The following AIG1 variants were observed in gnomAD, a reference collection of about 807,000 sequenced individuals.
The protein encoded by AIG1 is androgen induced 1, also known as androgen-induced gene 1 protein.
A neutral mutation model predicts 31.4 loss-of-function variants in AIG1; 23 were observed. That is an observed-to-expected ratio of 0.73 (90% CI 0.53 to 1.04). The LOEUF is 1.04. AIG1 is among the 50% of genes least tolerant of loss of function. The pLI is 0.00. For missense variants in AIG1, 274 were observed against 295.0 expected (o/e 0.93, Z 0.52); for synonymous variants, 100 against 110.5 (o/e 0.90, Z 0.60).
intron 3 of AIG1, among the ~76,000 whole-genome samples, chr6:143,169,462 C>T (rs1164726725): frequency 1.3e-5 from 2 of 152,070 alleles, no homozygotes; most frequent in Non-Finnish European, 2.9e-5. Context: ...ATTCAAAATC[C>T]TCTCTTCTAG....
At chr6:143,272,222 G>A (rs1417739850) in intron 3 of AIG1, among the ~76,000 whole-genome samples, 1 of 152,184 alleles carries the variant, frequency 6.6e-6, no homozygotes, top group Non-Finnish European at 1.5e-5. Flanking sequence ...GCCCGAGACA[G>A]AGCTGACCTT....
rs561773970 is a variant in AIG1, at chr6:143,197,659, C to G, written c.399+32476C>G. Among the ~76,000 whole-genome samples, 184 of 152,312 alleles carry G rather than the reference C, an allele frequency of 1.2e-3. 1 individual carries two copies. Among genetic ancestry groups the G allele is most frequent in the African/African-American group, 4.4e-3 (183 of 41,570 alleles). ...TTGCAGATCTGTCCCATAAACACCT[C>G]CCACAGATCCTCTAGTCCCTTATTT... is the stretch of plus-strand genomic sequence containing the variant. On this transcript the variant is annotated intron_variant, in intron 3 of 5. Transcript: ENST00000357847.
rs147844600 is a variant in AIG1 at position 143,165,784 on chromosome 6, C to T, written c.399+601C>T. Among the ~76,000 whole-genome samples the T allele has an allele frequency of 9.9e-3, 1,514 of 152,294 alleles. 21 individuals carry two copies. The highest frequency in any genetic ancestry group is 0.035 in the African/African-American group (1,447 of 41,548). Reference sequence around the variant, plus strand: ...CTTCTCAGTCTAATTCTTTCTGGTGCTTTAGCCATGATGTTGCCCTCACTA... The same window carrying T: ...CTTCTCAGTCTAATTCTTTCTGGTGTTTTAGCCATGATGTTGCCCTCACTA... On this transcript the variant is annotated intron_variant, in intron 3 of 5. Transcript: ENST00000357847.
chr6:143,177,239 A>G (rs1255908758), intron 3 of AIG1, among the ~76,000 whole-genome samples: 3 of 152,126 alleles, frequency 2.0e-5, no homozygotes, highest in Admixed American at 6.5e-5. Context: ...GTTCTCTCGT[A>G]TCTTCCCAGG....
chr6:143,203,593 T>G (rs1280767857), intron 3 of AIG1, among the ~76,000 whole-genome samples: 12 of 152,186 alleles, frequency 7.9e-5, no homozygotes, highest in African/African-American at 2.9e-4. Flanking sequence ...GAGATTAGGC[T>G]TCTCTATGTA....
intron 1 of AIG1, among the ~76,000 whole-genome samples, chr6:143,112,099 A>G (rs996608931): frequency 3.3e-5 from 5 of 152,178 alleles, no homozygotes; most frequent in African/African-American, 1.2e-4. Context: ...TGGCTTTACA[A>G]ACCTAGCCAT....
intron 1 of AIG1, among the ~76,000 whole-genome samples, chr6:143,113,336 G>A (rs1459541046): frequency 6.6e-6 from 1 of 152,052 alleles, no homozygotes; most frequent in East Asian, 1.9e-4. Context: ...GGGGCGTGGG[G>A]GCTCACACCT....
rs1777712303 is a variant in AIG1 at position 143,338,990 on chromosome 6, C to G, written c.680-649C>G. 1 of 152,142 alleles carries G rather than the reference C, an allele frequency of 6.6e-6. No individual in the cohort carries two copies. The highest frequency in any genetic ancestry group is 2.4e-5 in the African/African-American group (1 of 41,424). 9.4% of individuals were successfully genotyped at this position (152,142 alleles called of 1,614,324 possible). On this transcript the variant is annotated intron_variant, in intron 5 of 5. Coordinates refer to ENST00000357847, the MANE Select transcript of AIG1 (RefSeq NM_016108.4). This position sits in a 1 kb window ranked among gnomAD's most constrained non-coding sequence, Gnocchi z 4.3. ...AACATGAAACATCATCGACTATTCTCTACAGACAACAGGCAAAGGTTCTTA... is the reference window on the plus strand; with the variant it reads ...AACATGAAACATCATCGACTATTCTGTACAGACAACAGGCAAAGGTTCTTA...
intron 3 of AIG1, among the ~76,000 whole-genome samples, chr6:143,274,223 T>G (rs1243148840): frequency 6.6e-6 from 1 of 152,126 alleles, no homozygotes; most frequent in Non-Finnish European, 1.5e-5. Context: ...TCTTTTATCC[T>G]TCGGTTGTCC....
chr6:143,192,706 A>G (rs1028469918), intron 3 of AIG1, among the ~76,000 whole-genome samples: 3 of 152,170 alleles, frequency 2.0e-5, no homozygotes, highest in Non-Finnish European at 4.4e-5. Flanking sequence ...CAGGCAAAAC[A>G]GAAAGAACTC....
At chr6:143,138,098 T>A (rs1783916119) in intron 2 of AIG1, among the ~76,000 whole-genome samples, 1 of 152,204 alleles carries the variant, frequency 6.6e-6, no homozygotes, top group African/African-American at 2.4e-5. Flanking sequence ...TTTTCTTGGA[T>A]GAAATAAATA....
intron 3 of AIG1, among the ~76,000 whole-genome samples, chr6:143,266,550 A>C (rs1029177022): frequency 7.9e-5 from 12 of 152,134 alleles, no homozygotes; most frequent in Admixed American, 2.0e-4. Context: ...TGATTGTGGT[A>C]ATCATTTAAC....
chr6:143,165,993 T>A lies in AIG1; in HGVS notation c.399+810T>A, dbSNP rs182481949. Among the ~76,000 whole-genome samples, 6 of 152,286 alleles carry A rather than the reference T, an allele frequency of 3.9e-5. No individual in the cohort carries two copies. In the East Asian group the frequency reaches 1.2e-3, roughly 29 times the overall value. ...TTTAGAATATGTCCCAGGGTGTTCCTGGTGAAAAGGGCAGCCCATCACAAG... is the reference window on the plus strand; with the variant it reads ...TTTAGAATATGTCCCAGGGTGTTCCAGGTGAAAAGGGCAGCCCATCACAAG... On this transcript the variant is annotated intron_variant, in intron 3 of 5. Transcript: ENST00000357847.
At chr6:143,305,399 T>C (rs561442341) in intron 4 of AIG1, among the ~76,000 whole-genome samples, 202 of 152,318 alleles carry the variant, frequency 1.3e-3, no homozygotes, top group Middle Eastern at 3.4e-3. Context: ...GCTTTGAATG[T>C]GTCCCAGAGA....
chr6:143,170,665 T>C (rs562034016), intron 3 of AIG1, among the ~76,000 whole-genome samples: 1 of 151,916 alleles, frequency 6.6e-6, no homozygotes, highest in Non-Finnish European at 1.5e-5. Flanking sequence ...TTTCTTTCCT[T>C]CTATTAATTT....
chr6:143,103,501 CTTT>C (rs1173435325), intron 1 of AIG1, among the ~76,000 whole-genome samples: 172 of 84,172 alleles, frequency 2.0e-3, no homozygotes, highest in Middle Eastern at 0.011. Context: ...CAGAAGTTTT[CTTT>C]TTTTTTTTTT....
At chr6:143,263,190 C>T (rs1795927442) in intron 3 of AIG1, among the ~76,000 whole-genome samples, 1 of 152,110 alleles carries the variant, frequency 6.6e-6, no homozygotes, top group Non-Finnish European at 1.5e-5. Flanking sequence ...GGTTCCCTAG[C>T]AAAGCAAAAG....
At chr6:143,076,026 G>A (rs1273570463) in intron 1 of AIG1, among the ~76,000 whole-genome samples, 1 of 152,182 alleles carries the variant, frequency 6.6e-6, no homozygotes, top group Non-Finnish European at 1.5e-5. Context: ...GTGTGCACTT[G>A]AAATATGTAT....
intron 3 of AIG1, chr6:143,187,466 G>A (rs753046316): frequency 1.8e-4 from 282 of 1,535,124 alleles, no homozygotes; most frequent in Non-Finnish European, 2.3e-4. Flanking sequence ...TTTGGCACTC[G>A]ACACTCTGCT....
Sources: gnomAD v4.1 joint callset for allele counts (sites outside exome capture counted in the v4.1 genomes callset) on GRCh38, gnomAD v4.1.1 for gene constraint, Gnocchi (gnomAD v3.1) non-coding constraint, MANE v1.5 for transcripts, NCBI Gene and HGNC (gene_info 2026-07-23, HGNC 2026-07-21) for gene names.